PCDHGB1: variants seen among roughly 807,000 people sequenced by gnomAD.
PCDHGB1 encodes protocadherin gamma-B1.
In PCDHGB1, 34 loss-of-function variants were observed where a neutral mutation model predicts 56.6. The ratio of observed to expected loss-of-function variants is 0.60; its 90% confidence interval spans 0.46 to 0.80. PCDHGB1 has a LOEUF of 0.80. PCDHGB1 is among the 30% of genes least tolerant of loss of function. The pLI is 0.00. For missense variants in PCDHGB1, 1,278 were observed against 1,204.6 expected (o/e 1.06, Z -0.90); for synonymous variants, 561 against 505.9 (o/e 1.11, Z -1.46).
At chr5:141,364,846 C>A in intron 1 of PCDHGB1, 5 of 1,613,994 alleles carry the variant, frequency 3.1e-6, no homozygotes, top group Non-Finnish European at 4.2e-6. Flanking sequence ...GTTACCAGCT[C>A]AGCTCCAATC....
chr5:141,478,576 G>C (rs543160289), intron 1 of PCDHGB1: 3 of 1,585,598 alleles, frequency 1.9e-6, no homozygotes, highest in Middle Eastern at 3.3e-4. Flanking sequence ...GCTTGACCCT[G>C]TTAGTGCTTT....
intron 1 of PCDHGB1, among the ~76,000 whole-genome samples, chr5:141,465,063 C>T (rs187265709): frequency 8.5e-4 from 129 of 151,534 alleles, no homozygotes; most frequent in South Asian, 1.3e-3. Context: ...TTTGAATTGT[C>T]TGTTCATGTC....
Position 141,425,378 on chromosome 5 carries a change from C to T in PCDHGB1, c.2410-69429C>T, listed in dbSNP as rs372445707. Among the ~76,000 whole-genome samples the T allele has an allele frequency of 1.6e-4, 25 of 152,174 alleles. 1 individual carries two copies. The highest frequency in any genetic ancestry group is 3.9e-4 in the African/African-American group (16 of 41,522). On this transcript the variant is annotated intron_variant, in intron 1 of 3. Transcript: ENST00000523390. ...TGATATTAAGAGGGTTATGTTGATTCGGAGGTAGTGATAAAGTTCTGTTAA... is the reference window on the plus strand; with the variant it reads ...TGATATTAAGAGGGTTATGTTGATTTGGAGGTAGTGATAAAGTTCTGTTAA...
chr5:141,455,283 C>G (rs1225185590), intron 1 of PCDHGB1, among the ~76,000 whole-genome samples: 1 of 152,000 alleles, frequency 6.6e-6, no homozygotes, highest in East Asian at 1.9e-4. Context: ...ATTAACATCA[C>G]TTTACATAGT....
chr5:141,384,020 G>A (rs1158407540), intron 1 of PCDHGB1: 2 of 1,613,612 alleles, frequency 1.2e-6, no homozygotes, highest in Admixed American at 3.3e-5. Flanking sequence ...CTACAAGACA[G>A]AGATTCTGGA....
At chr5:141,364,355 G>T in intron 1 of PCDHGB1, 1 of 1,555,424 alleles carries the variant, frequency 6.4e-7, no homozygotes, top group Non-Finnish European at 8.7e-7. Context: ...TAGGGGCTGG[G>T]GCTGCGGAGA....
chr5:141,365,766 C>A (rs6882138), intron 1 of PCDHGB1: 12 of 1,613,778 alleles, frequency 7.4e-6, no homozygotes, highest in Non-Finnish European at 9.3e-6. Flanking sequence ...GCCCATGACC[C>A]CGACAGCGGC....
At chr5:141,389,119 A>G (rs1561623119) in intron 1 of PCDHGB1, 16 of 1,614,066 alleles carry the variant, frequency 9.9e-6, no homozygotes, top group Admixed American at 1.7e-5. Context: ...GACCGCGAGC[A>G]GAATCCAGAG....
intron 1 of PCDHGB1, chr5:141,371,614 A>G: frequency 6.2e-7 from 1 of 1,614,024 alleles, no homozygotes; most frequent in Non-Finnish European, 8.5e-7. Flanking sequence ...TTGGTGACAG[A>G]TGGAGCCCTG....
chr5:141,388,849 G>A, intron 1 of PCDHGB1: 1 of 1,614,026 alleles, frequency 6.2e-7, no homozygotes, highest in Non-Finnish European at 8.5e-7. Flanking sequence ...GCAAGGGACG[G>A]TGGAGGAATG....
intron 1 of PCDHGB1, among the ~76,000 whole-genome samples, chr5:141,381,177 C>G (rs935775632): frequency 6.6e-6 from 1 of 152,214 alleles, no homozygotes; most frequent in African/African-American, 2.4e-5. Context: ...TCCCACAAAA[C>G]GAAGTTAAGC....
At chr5:141,415,695 T>C (rs1284418994) in intron 1 of PCDHGB1, 1 of 1,537,350 alleles carries the variant, frequency 6.5e-7, no homozygotes, top group South Asian at 1.2e-5. Context: ...TGGTGGAAAG[T>C]GTAAATGCTA....
At chr5:141,386,253 A>G (rs539545859) in intron 1 of PCDHGB1, among the ~76,000 whole-genome samples, 1 of 152,364 alleles carries the variant, frequency 6.6e-6, no homozygotes, top group Admixed American at 6.5e-5. Context: ...AAATAACCCA[A>G]TCTGGGATTA....
intron 1 of PCDHGB1, among the ~76,000 whole-genome samples, chr5:141,386,272 C>T (rs997122540): frequency 1.3e-5 from 2 of 152,150 alleles, no homozygotes; most frequent in African/African-American, 2.4e-5. Context: ...TAACTACTTC[C>T]ATATTCTTTT....
chr5:141,421,082 C>A, intron 1 of PCDHGB1: 1 of 640,114 alleles, frequency 1.6e-6, no homozygotes, highest in Non-Finnish European at 2.6e-6. Flanking sequence ...TGGATACTCA[C>A]AGATCCTGAC....
chr5:141,424,082 C>T (rs2096798510), intron 1 of PCDHGB1: 2 of 957,226 alleles, frequency 2.1e-6, no homozygotes, highest in East Asian at 1.1e-4. Flanking sequence ...TTATATTCCA[C>T]CATTATTTGC....
rs112156044 is a variant in PCDHGB1, at chr5:141,476,771, G to C, written c.2410-18036G>C. ...CCAGTTAGTGCTGACGGCGTTGGAC[G>C]GAGGGACCCCAGCTCTCTCCGCCAG... On this transcript the variant is annotated intron_variant, in intron 1 of 3. Coordinates refer to ENST00000523390, the MANE Select transcript of PCDHGB1 (RefSeq NM_018922.3). The surrounding 1 kb of genome is among the most constrained non-coding windows in gnomAD (Gnocchi z 7.6). 1.1e-5 allele frequency: 18 copies of C among 1,613,700 alleles called. 1 individual carries two copies. In the South Asian group the frequency reaches 1.3e-4, roughly 12 times the overall value.
chr5:141,363,615 G>T (rs973220215), intron 1 of PCDHGB1, among the ~76,000 whole-genome samples: 10 of 152,342 alleles, frequency 6.6e-5, no homozygotes, highest in Admixed American at 3.9e-4. Context: ...TGAGATAGTG[G>T]AGAGACTTTC....
At chr5:141,455,860 ATTATTTATTTATTTATTTAT>A (rs145569377) in intron 1 of PCDHGB1, among the ~76,000 whole-genome samples, 117 of 139,848 alleles carry the variant, frequency 8.4e-4, no homozygotes, top group Non-Finnish European at 9.4e-4. Flanking sequence ...AATTTCTTTT[ATTATTTATTTATTTATTTAT>A]TTATTTATTT....
Sources: allele counts gnomAD v4.1 joint callset (sites outside exome capture counted in the v4.1 genomes callset), GRCh38; gene constraint gnomAD v4.1.1; non-coding constraint Gnocchi (gnomAD v3.1); transcripts MANE v1.5; gene names NCBI Gene and HGNC (gene_info 2026-07-23, HGNC 2026-07-21).